Variants in MPRIP observed in about 807,000 individuals in gnomAD.
The protein encoded by MPRIP is myosin phosphatase Rho-interacting protein.
In MPRIP, 59 loss-of-function variants were observed where a neutral mutation model predicts 234.9. That is an observed-to-expected ratio of 0.25 (90% confidence interval 0.20 to 0.31). The LOEUF is 0.31. Among genes scored for constraint, MPRIP ranks in the 10% least tolerant of loss-of-function variants. The pLI, the probability that MPRIP is intolerant of heterozygous loss-of-function variation, is 1.00. For missense variants in MPRIP, 2,436 were observed against 3,071.0 expected (o/e 0.79, Z 4.89); for synonymous variants, 1,144 against 1,263.9 (o/e 0.91, Z 2.01).
chr17:17,159,039 G>A (rs1258930891), intron 14 of MPRIP, 37 bp downstream of exon 14: 2 of 1,569,270 alleles, frequency 1.3e-6, no homozygotes, highest in Admixed American at 1.8e-5. Context: ...CCTGCTCCCA[G>A]CAGCCTTTCC....
chr17:17,067,357 A>C (rs1267256739), intron 1 of MPRIP, among the ~76,000 whole-genome samples: 1 of 152,122 alleles, frequency 6.6e-6, no homozygotes, highest in Non-Finnish European at 1.5e-5. Flanking sequence ...AGCTGGATGC[A>C]CAAGCACTGC....
intron 3 of MPRIP, among the ~76,000 whole-genome samples, chr17:17,109,025 A>G (rs1465055856): frequency 6.6e-6 from 1 of 152,228 alleles, no homozygotes. Context: ...GCGCTCAAAC[A>G]GGCTGAAGGG....
In MPRIP at chr17:17,187,075, G is replaced by C. The variant is rs973794825; in HGVS notation, c.*2181G>C. On this transcript the variant is annotated 3_prime_UTR_variant, in exon 24 of 24. Coordinates refer to ENST00000651222, the MANE Select transcript of MPRIP (RefSeq NM_001364716.4). Reference sequence around the variant, plus strand: ...GACCCCACTGGCCCTTCTGCAGACAGCTCCCTGCCTTCTGCCCTCCAGGGG... The same window carrying C: ...GACCCCACTGGCCCTTCTGCAGACACCTCCCTGCCTTCTGCCCTCCAGGGG... 1.3e-4 allele frequency: 20 copies of C among 152,308 alleles called. No individual in the cohort carries two copies. The highest frequency in any genetic ancestry group is 4.8e-4 in the African/African-American group (20 of 41,440). 9.4% of individuals were successfully genotyped at this position (152,308 alleles called of 1,614,324 possible). A position where few individuals can be genotyped will look rare whatever the true frequency, so the allele number is the denominator to read the frequency against.
At chr17:17,047,751 G>C (rs2088399903) in intron 1 of MPRIP, among the ~76,000 whole-genome samples, 1 of 152,164 alleles carries the variant, frequency 6.6e-6, no homozygotes, top group Admixed American at 6.5e-5. Context: ...GGGGGATGGG[G>C]AGGGGTAAAA....
intron 16 of MPRIP, chr17:17,168,138 C>T (rs1161449802): frequency 8.7e-6 from 3 of 346,388 alleles, no homozygotes; most frequent in South Asian, 2.3e-5. Flanking sequence ...GCAGGAGGGC[C>T]GCCAGGGTCC....
At chr17:17,140,420 A>G (rs2090788489) in intron 7 of MPRIP, among the ~76,000 whole-genome samples, 2 of 152,128 alleles carry the variant, frequency 1.3e-5, no homozygotes, top group African/African-American at 4.8e-5. Context: ...CTAATACTGC[A>G]GCATCCCTTT....
At chr17:17,058,076 A>G (rs568943867) in intron 1 of MPRIP, 135 of 244,588 alleles carry the variant, frequency 5.5e-4, no homozygotes, top group African/African-American at 2.5e-3. Flanking sequence ...CGAGGCCCAG[A>G]TGGGTAGCTC....
chr17:17,102,895 A>T (rs2089991843), intron 3 of MPRIP, among the ~76,000 whole-genome samples: 1 of 152,196 alleles, frequency 6.6e-6, no homozygotes, highest in African/African-American at 2.4e-5. Flanking sequence ...TACCCAGCCA[A>T]ACCTGCACCC....
rs556571802 is a variant in MPRIP at position 17,153,502 on chromosome 17, C to T, written c.1720-804C>T. Among the ~76,000 whole-genome samples, 3 of 151,984 alleles carry T rather than the reference C, an allele frequency of 2.0e-5. No individual in the cohort carries two copies. In the East Asian group the frequency reaches 5.9e-4, roughly 30 times the overall value. ...CTGCTCAGGGGCGCAGTGGTCATGTCCCAGAGCCATGTGCTCTTTGCTGCT... is the reference window on the plus strand; with the variant it reads ...CTGCTCAGGGGCGCAGTGGTCATGTTCCAGAGCCATGTGCTCTTTGCTGCT... On this transcript the variant is annotated intron_variant, in intron 12 of 23. Coordinates refer to ENST00000651222, the MANE Select transcript of MPRIP (RefSeq NM_001364716.4).
intron 16 of MPRIP, among the ~76,000 whole-genome samples, chr17:17,169,750 C>G (rs2046088674): frequency 6.6e-6 from 1 of 152,250 alleles, no homozygotes; most frequent in Non-Finnish European, 1.5e-5. Flanking sequence ...CAGATTTCCA[C>G]TTGGGTCGTT....
rs938173530 is a variant in MPRIP at position 17,165,758 on chromosome 17, G to A, written c.4167G>A (p.Lys1389=). Residue 1389 remains lysine, a synonymous_variant, in exon 16 of 24, where the codon AAG becomes AAA. Coordinates refer to ENST00000651222, the MANE Select transcript of MPRIP (RefSeq NM_001364716.4). ...CCATCATCCACTCCCTGGAGACCAAGCTCTACGTCACAGAGGAAAAGCTCA... is the reference window on the plus strand; with the variant it reads ...CCATCATCCACTCCCTGGAGACCAAACTCTACGTCACAGAGGAAAAGCTCA... The part of the protein sequence containing the change: ...YLSIIHSLET[K]LYVTEEKLKD... 1 of 1,304,692 alleles carries A rather than the reference G, an allele frequency of 7.7e-7. No individual in the cohort carries two copies. 80.8% of individuals were successfully genotyped at this position (1,304,692 alleles called of 1,614,324 possible). A position where few individuals can be genotyped will look rare whatever the true frequency, so the allele number is the denominator to read the frequency against.
intron 3 of MPRIP, among the ~76,000 whole-genome samples, chr17:17,085,685 G>A (rs1244306470): frequency 6.6e-6 from 1 of 152,198 alleles, no homozygotes; most frequent in African/African-American, 2.4e-5. Context: ...AGGCCGAGGC[G>A]AGCAGATCAC....
intron 17 of MPRIP, among the ~76,000 whole-genome samples, chr17:17,172,424 T>A (rs2046159223): frequency 6.6e-6 from 1 of 152,212 alleles, no homozygotes. Flanking sequence ...ACAATGACAT[T>A]TATTTAATCA....
chr17:17,168,829 G>C, intron 16 of MPRIP: 2 of 456,724 alleles, frequency 4.4e-6, no homozygotes, highest in Non-Finnish European at 8.8e-6. Context: ...TCATGTGGCA[G>C]AGCCAGGCGC....
chr17:17,053,730 C>T (rs1353233034), intron 1 of MPRIP, among the ~76,000 whole-genome samples: 1 of 152,242 alleles, frequency 6.6e-6, no homozygotes, highest in Non-Finnish European at 1.5e-5. Context: ...CTGTTTCTGT[C>T]TGTCCCATGC....
chr17:17,075,277 G>A (rs1457998925), intron 1 of MPRIP, among the ~76,000 whole-genome samples: 3 of 152,310 alleles, frequency 2.0e-5, no homozygotes, highest in Admixed American at 6.5e-5. Context: ...CTTTGATCAC[G>A]AAAGCAGTCT....
chr17:17,120,630 T>G (rs945795728), intron 3 of MPRIP, among the ~76,000 whole-genome samples: 1 of 152,132 alleles, frequency 6.6e-6, no homozygotes, highest in African/African-American at 2.4e-5. Flanking sequence ...GAGGGCTATG[T>G]GGGGGCTGAA....
chr17:17,130,866 G>A (rs1459194160), intron 4 of MPRIP, among the ~76,000 whole-genome samples: 3 of 152,174 alleles, frequency 2.0e-5, no homozygotes, highest in African/African-American at 4.8e-5. Flanking sequence ...TCTATATGGT[G>A]GAAGTAGTTG....
chr17:17,161,347 C>T lies in MPRIP; in HGVS notation c.2508C>T (p.Tyr836=), dbSNP rs780655125. The change falls in exon 15 of 24, where the codon TAC becomes TAT. Residue 836 remains tyrosine, a synonymous_variant. Transcript: ENST00000651222. Reference sequence around the variant, plus strand: ...GGGAGCAGAGCGCCCGTGAGGGCTACGTGCTGCAGGTAGGGTGGAGGGGCT... The same window carrying T: ...GGGAGCAGAGCGCCCGTGAGGGCTATGTGCTGCAGGTAGGGTGGAGGGGCT... ...LGREQSAREG[Y]VLQTEVAASP... is the part of the protein sequence containing the mutation. The T allele has an allele frequency of 9.5e-6, 15 of 1,578,402 alleles. No homozygotes were observed. In the Admixed American group the frequency reaches 2.2e-4, roughly 23 times the overall value.
Sources: allele counts gnomAD v4.1 joint callset (sites outside exome capture counted in the v4.1 genomes callset), GRCh38; gene constraint gnomAD v4.1.1; transcripts MANE v1.5; gene names NCBI Gene and HGNC (gene_info 2026-07-23, HGNC 2026-07-21).